Variants in SLC9A9 observed in about 807,000 individuals in gnomAD.
The protein encoded by SLC9A9 is solute carrier family 9 member A9.
A neutral mutation model predicts 77.8 loss-of-function variants in SLC9A9; 62 were observed. That is an observed-to-expected ratio of 0.80 (90% CI 0.65 to 0.98). The LOEUF is 0.98. Among genes scored for constraint, SLC9A9 ranks in the 50% least tolerant of loss-of-function variants. The pLI is 0.00. For missense variants in SLC9A9, 775 were observed against 774.9 expected (o/e 1.00, Z 0.00); for synonymous variants, 320 against 283.5 (o/e 1.13, Z -1.29).
chr3:143,625,847 A>C (rs1278765153), intron 6 of SLC9A9, among the ~76,000 whole-genome samples: 1 of 152,214 alleles, frequency 6.6e-6, no homozygotes, highest in Non-Finnish European at 1.5e-5. Flanking sequence ...AATGGGAGAA[A>C]ATTTTTCCAA....
chr3:143,514,094 C>T (rs77621620), intron 9 of SLC9A9, among the ~76,000 whole-genome samples: 4,263 of 152,084 alleles, frequency 0.028, 142 homozygotes, highest in East Asian at 0.15. Context: ...GAACATGCGG[C>T]GTTTGGTTTT....
In SLC9A9 at chr3:143,796,855, T is replaced by C. The variant is rs771648798; in HGVS notation, c.427A>G (p.Ile143Val). 11 of 1,611,838 alleles carry C rather than the reference T, an allele frequency of 6.8e-6. No individual in the cohort carries two copies. Among genetic ancestry groups the C allele is most frequent in the Non-Finnish European group, 9.3e-6 (11 of 1,178,610 alleles). Reference protein sequence around the residue: ...IFFNVLLPPIIFHAGYSLKKR... With the variant: ...IFFNVLLPPIVFHAGYSLKKR... Reference sequence around the variant, plus strand: ...TTTAGACTATATCCTGCATGAAATATAATTGGTGGCAGTAAAACATTGAAG... The same window carrying C: ...TTTAGACTATATCCTGCATGAAATACAATTGGTGGCAGTAAAACATTGAAG... The change falls in exon 3 of 16, where the codon ATA (isoleucine) becomes GTA (valine). Residue 143 changes from isoleucine to valine, a missense_variant. By Grantham distance (29) the Ile-to-Val change is conservative. Coordinates refer to ENST00000316549, the MANE Select transcript of SLC9A9 (RefSeq NM_173653.4).
chr3:143,270,594 A>T (rs1032517219), intron 14 of SLC9A9, among the ~76,000 whole-genome samples: 6 of 152,080 alleles, frequency 3.9e-5, no homozygotes, highest in Non-Finnish European at 8.8e-5. Context: ...AGTACAAATT[A>T]AAAAAAATCC....
chr3:143,345,347 G>A (rs1484435935), intron 14 of SLC9A9, among the ~76,000 whole-genome samples: 2 of 152,136 alleles, frequency 1.3e-5, no homozygotes, highest in East Asian at 1.9e-4. Flanking sequence ...CAGAAAAGTA[G>A]GGGGAAATTC....
At chr3:143,401,608 A>G (rs2033863112) in intron 12 of SLC9A9, among the ~76,000 whole-genome samples, 1 of 152,214 alleles carries the variant, frequency 6.6e-6, no homozygotes, top group African/African-American at 2.4e-5. Context: ...CTTTGTTTCC[A>G]GCCTTAATGT....
intron 4 of SLC9A9, among the ~76,000 whole-genome samples, 187 bp from the exon 5 acceptor site, chr3:143,693,494 C>A (rs746601632): frequency 3.6e-4 from 55 of 152,094 alleles, no homozygotes; most frequent in Non-Finnish European, 6.5e-4. Flanking sequence ...GACAATTTTA[C>A]CAAATATCAC....
intron 2 of SLC9A9, among the ~76,000 whole-genome samples, chr3:143,830,352 G>A (rs186991351): frequency 2.0e-4 from 30 of 152,254 alleles, no homozygotes; most frequent in East Asian, 1.5e-3. Flanking sequence ...TTTATGTACC[G>A]AACTTGCAGA....
intron 4 of SLC9A9, among the ~76,000 whole-genome samples, chr3:143,768,361 C>A (rs956893606): frequency 1.3e-5 from 2 of 152,180 alleles, no homozygotes; most frequent in African/African-American, 2.4e-5. Flanking sequence ...TTCACAACAA[C>A]CTACCCTGTA....
At chr3:143,725,263 T>C (rs1934610357) in intron 4 of SLC9A9, among the ~76,000 whole-genome samples, 2 of 152,016 alleles carry the variant, frequency 1.3e-5, no homozygotes, top group Admixed American at 6.5e-5. Context: ...TGTGGAGAAA[T>C]AGGAACACTT....
chr3:143,790,162 C>T (rs149347060), intron 4 of SLC9A9, among the ~76,000 whole-genome samples: 16 of 152,214 alleles, frequency 1.1e-4, no homozygotes, highest in East Asian at 9.7e-4. Context: ...TCTCTCTTGC[C>T]GCCTTGTGAA....
chr3:143,699,774 G>C (rs1933743075), intron 4 of SLC9A9, among the ~76,000 whole-genome samples: 1 of 152,082 alleles, frequency 6.6e-6, no homozygotes, highest in Non-Finnish European at 1.5e-5. Context: ...AAATTCCTAG[G>C]TGATTCTGCA....
At chr3:143,440,151 T>C (rs765973858) in intron 12 of SLC9A9, among the ~76,000 whole-genome samples, 2 of 152,188 alleles carry the variant, frequency 1.3e-5, no homozygotes, top group Non-Finnish European at 2.9e-5. Context: ...TGACGGTGGC[T>C]GAGAATTTTT....
chr3:143,290,831 C>G (rs1208246939), intron 14 of SLC9A9, among the ~76,000 whole-genome samples: 2 of 152,158 alleles, frequency 1.3e-5, no homozygotes, highest in Non-Finnish European at 2.9e-5. Context: ...AGCACCTATC[C>G]CCTGTATCTC....
intron 5 of SLC9A9, among the ~76,000 whole-genome samples, chr3:143,659,917 T>C (rs771252769): frequency 6.6e-6 from 1 of 152,198 alleles, no homozygotes; most frequent in South Asian, 2.1e-4. Context: ...CTTGTGATAG[T>C]GAGCAAGTCT....
intron 5 of SLC9A9, among the ~76,000 whole-genome samples, chr3:143,690,599 G>A (rs1397582151): frequency 6.6e-6 from 1 of 152,066 alleles, no homozygotes; most frequent in African/African-American, 2.4e-5. Flanking sequence ...AAGTTGAAGA[G>A]GCTCCCACTT....
intron 14 of SLC9A9, among the ~76,000 whole-genome samples, chr3:143,278,207 G>T (rs139808942): frequency 1.3e-5 from 2 of 152,144 alleles, no homozygotes; most frequent in Admixed American, 1.3e-4. Flanking sequence ...CCACAGGTTC[G>T]GATTCTCAGA....
intron 8 of SLC9A9, among the ~76,000 whole-genome samples, chr3:143,570,927 A>G (rs2037246606): frequency 6.6e-6 from 1 of 152,200 alleles, no homozygotes; most frequent in African/African-American, 2.4e-5. Flanking sequence ...TACAGTGAGT[A>G]TGGATTACCT....
intron 14 of SLC9A9, among the ~76,000 whole-genome samples, chr3:143,354,381 T>C (rs2032536259): frequency 6.6e-6 from 1 of 152,236 alleles, no homozygotes; most frequent in South Asian, 2.1e-4. Context: ...ATCATCACCA[T>C]CTACCTTGTG....
chr3:143,735,103 A>T (rs1161673470), intron 4 of SLC9A9, among the ~76,000 whole-genome samples: 2 of 152,216 alleles, frequency 1.3e-5, no homozygotes, highest in Non-Finnish European at 2.9e-5. Flanking sequence ...CAAAATCAGC[A>T]TTAATATATG....
Sources: allele counts gnomAD v4.1 joint callset (sites outside exome capture counted in the v4.1 genomes callset), GRCh38; gene constraint gnomAD v4.1.1; transcripts MANE v1.5; gene names NCBI Gene and HGNC (gene_info 2026-07-23, HGNC 2026-07-21).